ASTN2: variants seen among roughly 807,000 people sequenced by gnomAD.
ASTN2 encodes the protein astrotactin 2.
A neutral mutation model predicts 139.8 loss-of-function variants in ASTN2; 54 were observed. The observed-to-expected ratio is 0.39, with a 90% CI of 0.31 to 0.48. ASTN2 has a LOEUF of 0.48. Ranked by LOEUF, ASTN2 falls within the 20% of genes least tolerant of loss-of-function variation. The pLI is 0.95. For synonymous variants in ASTN2, 756 were observed against 719.5 expected, an observed-to-expected ratio of 1.05 and a Z score of -0.81; for missense variants, 1,565 against 1,725.1, an observed-to-expected ratio of 0.91 and a Z score of 1.64.
At chr9:117,306,920 G>T (rs966021013) in intron 1 of ASTN2, among the ~76,000 whole-genome samples, 1 of 152,270 alleles carries the variant, frequency 6.6e-6, no homozygotes, top group African/African-American at 2.4e-5. Flanking sequence ...GAGCCAGGAG[G>T]AATGTCCTTG....
intron 22 of ASTN2, among the ~76,000 whole-genome samples, chr9:116,434,896 C>A (rs1847602641): frequency 6.6e-6 from 1 of 152,132 alleles, no homozygotes; most frequent in Admixed American, 6.6e-5. Context: ...GTCCTTTCGT[C>A]ACTAAATCTT....
At chr9:117,238,075 C>T (rs745778518) in intron 2 of ASTN2, among the ~76,000 whole-genome samples, 1 of 152,146 alleles carries the variant, frequency 6.6e-6, no homozygotes, top group Non-Finnish European at 1.5e-5. Context: ...CATGTAGCTC[C>T]AATTGCAACC....
At chr9:116,867,066 CAG>C (rs1222602379) in intron 10 of ASTN2, among the ~76,000 whole-genome samples, 9 of 151,296 alleles carry the variant, frequency 5.9e-5, no homozygotes, top group Non-Finnish European at 7.4e-5. Context: ...GACAGAGAGA[CAG>C]AGAGTTATAG....
chr9:116,598,239 G>T (rs2131747724), intron 19 of ASTN2, among the ~76,000 whole-genome samples: 1 of 152,278 alleles, frequency 6.6e-6, no homozygotes, highest in Non-Finnish European at 1.5e-5. Context: ...GAAGTTAAAA[G>T]GAAGTTTATG....
rs1564249138 is a variant in ASTN2, at chr9:116,754,126, G to A, written c.2397-20603C>T. Among the ~76,000 whole-genome samples, 5 of 152,200 alleles carry A rather than the reference G, an allele frequency of 3.3e-5. No individual in the cohort carries two copies. The South Asian group carries it at 1.0e-3, about 32-fold the overall frequency. ...GGTTTCCAGCTTCATCCGTGTCCCT[G>A]CAAAGGACATAACTCATCTTTTTTT... On this transcript the variant is annotated intron_variant, in intron 13 of 22. Transcript: ENST00000313400.
In ASTN2 at chr9:116,751,561, A is replaced by G. The variant is rs1829403975; in HGVS notation, c.2397-18038T>C. 3.3e-5 allele frequency among the ~76,000 whole-genome samples: 5 copies of G among 151,776 alleles called. No homozygotes were observed. The South Asian group carries it at 1.0e-3, about 32-fold the overall frequency. ...AACTATTATTATTGTTATTATTATT[A>G]TTATTAGAAATGTGATTTAGGGTTT... On this transcript the variant is annotated intron_variant, in intron 13 of 22. Coordinates refer to ENST00000313400, the MANE Select transcript of ASTN2 (RefSeq NM_001365068.1).
chr9:116,617,953 T>C (rs1222793408), intron 19 of ASTN2, among the ~76,000 whole-genome samples: 1 of 152,194 alleles, frequency 6.6e-6, no homozygotes, highest in African/African-American at 2.4e-5. Flanking sequence ...AGAAAGCCAA[T>C]TGTGTGAATT....
intron 6 of ASTN2, among the ~76,000 whole-genome samples, chr9:117,013,215 A>G (rs951610886): frequency 4.6e-5 from 7 of 152,174 alleles, no homozygotes; most frequent in African/African-American, 1.7e-4. Context: ...CTCTGAATAA[A>G]TTCCATTTAT....
intron 3 of ASTN2, among the ~76,000 whole-genome samples, chr9:117,161,199 G>C (rs1407935770): frequency 1.3e-5 from 2 of 151,958 alleles, no homozygotes; most frequent in Non-Finnish European, 2.9e-5. Flanking sequence ...TGGGGACAGT[G>C]GTAGTGGTAA....
chr9:116,921,188 T>C (rs1015664374), intron 10 of ASTN2, among the ~76,000 whole-genome samples: 1 of 152,150 alleles, frequency 6.6e-6, no homozygotes, highest in Non-Finnish European at 1.5e-5. Context: ...AAGAATTCAC[T>C]ATCATGATGA....
intron 3 of ASTN2, among the ~76,000 whole-genome samples, chr9:117,167,661 G>T (rs1294080324): frequency 1.3e-5 from 2 of 152,066 alleles, no homozygotes. Flanking sequence ...TATCTATTTA[G>T]TACATTATCA....
At chr9:116,634,614 A>AT (rs1856982180) in intron 17 of ASTN2, among the ~76,000 whole-genome samples, 1 of 147,926 alleles carries the variant, frequency 6.8e-6, no homozygotes, top group Non-Finnish European at 1.5e-5. Flanking sequence ...AAAAAAAAAA[A>AT]AATAAGCAAA....
At chr9:117,308,627 G>A (rs190832492) in intron 1 of ASTN2, among the ~76,000 whole-genome samples, 1 of 152,236 alleles carries the variant, frequency 6.6e-6, no homozygotes, top group East Asian at 1.9e-4. Flanking sequence ...GGCTGATCAA[G>A]GAACAGGGAC....
Position 116,425,732 on chromosome 9 carries a change from C to A in ASTN2, c.*119G>T, listed in dbSNP as rs572205700. The A allele has an allele frequency of 3.7e-6, 6 of 1,605,546 alleles. No homozygotes were observed. The East Asian group carries it at 1.3e-4, about 36-fold the overall frequency. Reference sequence around the variant, plus strand: ...CGTTTGCTTTGGCCTTGCTGGCAAGCTTCATCTGCTAGGCCCATCCTCAGC... The same window carrying A: ...CGTTTGCTTTGGCCTTGCTGGCAAGATTCATCTGCTAGGCCCATCCTCAGC... On this transcript the variant is annotated 3_prime_UTR_variant, in exon 23 of 23. Transcript: ENST00000313400.
intron 19 of ASTN2, among the ~76,000 whole-genome samples, chr9:116,495,963 C>A (rs1849656144): frequency 6.6e-6 from 1 of 152,248 alleles, no homozygotes; most frequent in Middle Eastern, 3.4e-3. Flanking sequence ...AAACATACTC[C>A]CACCACAGGG....
chr9:117,329,951 T>C (rs1043492713), intron 1 of ASTN2, among the ~76,000 whole-genome samples: 7 of 152,328 alleles, frequency 4.6e-5, no homozygotes, highest in South Asian at 2.1e-4. Context: ...GGAACTGTTA[T>C]CGTTCTTATT....
chr9:116,694,230 G>C (rs966563702), intron 16 of ASTN2, among the ~76,000 whole-genome samples: 5 of 152,106 alleles, frequency 3.3e-5, no homozygotes, highest in African/African-American at 1.2e-4. Context: ...ATTCCAGAAA[G>C]CTTGGGAAAT....
At chr9:117,364,992 CACACACAA>C (rs1351528335) in intron 1 of ASTN2, among the ~76,000 whole-genome samples, 1,546 of 145,650 alleles carry the variant, frequency 0.011, 33 homozygotes, top group African/African-American at 0.037. Context: ...CACACACACA[CACACACAA>C]AATCAGCCAT....
intron 20 of ASTN2, among the ~76,000 whole-genome samples, chr9:116,473,594 T>G (rs1448952422): frequency 6.6e-6 from 1 of 152,168 alleles, no homozygotes; most frequent in African/African-American, 2.4e-5. Context: ...TCATTTCAGT[T>G]GGCAGATAAA....
Sources: allele counts gnomAD v4.1 joint callset (sites outside exome capture counted in the v4.1 genomes callset), GRCh38; gene constraint gnomAD v4.1.1; transcripts MANE v1.5; gene names NCBI Gene and HGNC (gene_info 2026-07-23, HGNC 2026-07-21).